LRP1B: variants seen among roughly 807,000 people sequenced by gnomAD.
The protein encoded by LRP1B is low-density lipoprotein receptor-related protein 1B.
In LRP1B, 217 loss-of-function variants were observed where a neutral mutation model predicts 556.6. That is an observed-to-expected ratio of 0.39 (90% CI 0.35 to 0.44). The LOEUF is 0.44. Ranked by LOEUF, LRP1B falls within the 20% of genes least tolerant of loss-of-function variation. LRP1B has a pLI of 1.00. For synonymous variants in LRP1B, 2,047 were observed against 1,865.8 expected (o/e 1.10, Z -2.50); for missense variants, 5,053 against 5,620.8 (o/e 0.90, Z 3.23).
At chr2:140,450,899 C>A (rs1449299621) in intron 62 of LRP1B, among the ~76,000 whole-genome samples, 1 of 152,136 alleles carries the variant, frequency 6.6e-6, no homozygotes, top group Non-Finnish European at 1.5e-5. Context: ...CAATCTCTCA[C>A]ATTTACATGT....
intron 3 of LRP1B, among the ~76,000 whole-genome samples, chr2:141,275,745 C>T (rs368234155): frequency 1.3e-5 from 2 of 152,062 alleles, no homozygotes; most frequent in Non-Finnish European, 2.9e-5. Context: ...TCAGTATAAG[C>T]ATGTTATTTT....
intron 7 of LRP1B, among the ~76,000 whole-genome samples, chr2:141,172,355 C>T (rs987707225): frequency 2.0e-5 from 3 of 152,014 alleles, no homozygotes; most frequent in African/African-American, 7.2e-5. Context: ...CAATGTTCTT[C>T]CCATTTTAAA....
At chr2:141,329,157 G>A (rs984598080) in intron 3 of LRP1B, among the ~76,000 whole-genome samples, 2 of 152,110 alleles carry the variant, frequency 1.3e-5, no homozygotes, top group Non-Finnish European at 1.5e-5. Context: ...GGAGGCCGAG[G>A]TGGGTGGATC....
intron 2 of LRP1B, among the ~76,000 whole-genome samples, chr2:141,644,984 A>G (rs1035319355): frequency 9.9e-5 from 15 of 152,122 alleles, no homozygotes; most frequent in African/African-American, 3.6e-4. Context: ...CTTTGAGGAG[A>G]CATCAAAGAA....
At chr2:140,465,217 T>C (rs994802806) in intron 60 of LRP1B, among the ~76,000 whole-genome samples, 2 of 152,182 alleles carry the variant, frequency 1.3e-5, no homozygotes, top group African/African-American at 4.8e-5. Context: ...CACCTTTAAA[T>C]GACCACTATC....
intron 21 of LRP1B, 73 bp downstream of exon 21, chr2:140,922,892 C>G (rs576918500): frequency 1.5e-6 from 2 of 1,298,846 alleles, no homozygotes; most frequent in Admixed American, 4.5e-5. Flanking sequence ...AGGTGAGATA[C>G]AGATTCAGCC....
chr2:140,292,953 A>G (rs1433341059), intron 84 of LRP1B, among the ~76,000 whole-genome samples: 1 of 152,168 alleles, frequency 6.6e-6, no homozygotes. Context: ...ATTGCAAAAC[A>G]TGATATCTTT....
chr2:140,877,299 C>G, intron 25 of LRP1B, among the ~76,000 whole-genome samples: 1 of 152,106 alleles, frequency 6.6e-6, no homozygotes, highest in South Asian at 2.1e-4. Flanking sequence ...TTGTTTCTCT[C>G]CCTTCTTCCC....
At chr2:141,586,935 C>T (rs1302500726) in intron 2 of LRP1B, among the ~76,000 whole-genome samples, 1 of 129,130 alleles carries the variant, frequency 7.7e-6, no homozygotes, top group South Asian at 2.7e-4. Context: ...GAGTGAGACT[C>T]CATCTCAAAA....
chr2:141,877,124 A>G lies in LRP1B; in HGVS notation c.83-66723T>C, dbSNP rs72994963. 8.4e-3 allele frequency among the ~76,000 whole-genome samples: 1,275 copies of G among 152,090 alleles called. 24 individuals carry two copies. Among genetic ancestry groups the G allele is most frequent in the African/African-American group, 0.028 (1,180 of 41,528 alleles). ...ATCCTACGACCCAAGCTTGCTCACT[A>G]TCTAACATGTAATCAAAGTTGAAAT... On this transcript the variant is annotated intron_variant, in intron 1 of 90. Transcript: ENST00000389484.
chr2:141,740,511 T>A (rs1003815182), intron 2 of LRP1B, among the ~76,000 whole-genome samples: 1 of 152,182 alleles, frequency 6.6e-6, no homozygotes. Context: ...TATTTTGATA[T>A]AGGCATGCAA....
At chr2:141,883,123 CA>C (rs753741355) in intron 1 of LRP1B, among the ~76,000 whole-genome samples, 1 of 152,136 alleles carries the variant, frequency 6.6e-6, no homozygotes, top group Non-Finnish European at 1.5e-5. Context: ...TTATGATACT[CA>C]CTTAGTCCAA....
intron 37 of LRP1B, among the ~76,000 whole-genome samples, chr2:140,712,697 T>G (rs1687077132): frequency 6.6e-6 from 1 of 152,122 alleles, no homozygotes; most frequent in Non-Finnish European, 1.5e-5. Context: ...ATATGCTAGC[T>G]CCACTTTCTA....
At chr2:141,428,883 T>C (rs1177697061) in intron 3 of LRP1B, among the ~76,000 whole-genome samples, 1 of 152,232 alleles carries the variant, frequency 6.6e-6, no homozygotes, top group Non-Finnish European at 1.5e-5. Flanking sequence ...CATATACGAA[T>C]ACCTGCCTGG....
intron 6 of LRP1B, among the ~76,000 whole-genome samples, chr2:141,190,663 A>T (rs1290439322): frequency 6.6e-6 from 1 of 151,994 alleles, no homozygotes. Context: ...CAATAATGCC[A>T]TAAGTAATTT....
intron 42 of LRP1B, among the ~76,000 whole-genome samples, chr2:140,599,353 T>C (rs1682564734): frequency 6.6e-6 from 1 of 152,122 alleles, no homozygotes; most frequent in African/African-American, 2.4e-5. Context: ...TAAACTCCTG[T>C]TTTTTACATT....
chr2:140,714,064 G>T (rs1687128241), intron 37 of LRP1B, among the ~76,000 whole-genome samples: 1 of 152,076 alleles, frequency 6.6e-6, no homozygotes, highest in South Asian at 2.1e-4. Flanking sequence ...TCTTTACAAA[G>T]TGACACTATT....
At chr2:141,371,707 A>C (rs140716191) in intron 3 of LRP1B, among the ~76,000 whole-genome samples, 10 of 152,256 alleles carry the variant, frequency 6.6e-5, no homozygotes, top group African/African-American at 2.4e-4. Context: ...ATTTCTATAC[A>C]TTGACTTTTC....
intron 79 of LRP1B, among the ~76,000 whole-genome samples, chr2:140,329,482 A>G (rs1329504918): frequency 3.9e-5 from 6 of 152,036 alleles, no homozygotes; most frequent in African/African-American, 1.2e-4. Flanking sequence ...ACGTGTTCCT[A>G]TATCTAGAAA....
Sources: allele counts gnomAD v4.1 joint callset (sites outside exome capture counted in the v4.1 genomes callset), GRCh38; gene constraint gnomAD v4.1.1; transcripts MANE v1.5; gene names NCBI Gene and HGNC (gene_info 2026-07-23, HGNC 2026-07-21).